The following NALCN variants were observed in gnomAD, a reference collection of about 807,000 sequenced individuals.
NALCN encodes sodium leak channel NALCN.
In NALCN, 111 loss-of-function variants were observed where a neutral mutation model predicts 225.3. That is an observed-to-expected ratio of 0.49 (90% CI 0.42 to 0.58). The LOEUF (loss-of-function observed/expected upper bound fraction) is 0.58, where lower values mean the gene tolerates loss of function less well. NALCN is among the 20% of genes least tolerant of loss of function. The pLI is 0.00. For synonymous variants in NALCN, 764 were observed against 769.0 expected (o/e 0.99, Z 0.11); for missense variants, 1,378 against 2,202.4 (o/e 0.63, Z 7.49).
At chr13:101,406,975 G>T (rs1000146573) in intron 1 of NALCN, among the ~76,000 whole-genome samples, 10 of 152,076 alleles carry the variant, frequency 6.6e-5, no homozygotes, top group African/African-American at 2.4e-4. Flanking sequence ...CTAAGAATAT[G>T]AAAACTAAAA....
chr13:101,293,410 A>G (rs2043621490), intron 7 of NALCN, among the ~76,000 whole-genome samples: 1 of 152,226 alleles, frequency 6.6e-6, no homozygotes, highest in Admixed American at 6.5e-5. Flanking sequence ...GTGAGAAAAC[A>G]CACACACATA....
intron 27 of NALCN, among the ~76,000 whole-genome samples, chr13:101,098,771 G>C (rs949095815): frequency 1.3e-5 from 2 of 152,040 alleles, no homozygotes; most frequent in Admixed American, 6.5e-5. Context: ...CACTCATGGC[G>C]TTTTTGGCCT....
chr13:101,237,302 C>A (rs2041597525), intron 12 of NALCN, among the ~76,000 whole-genome samples: 1 of 151,822 alleles, frequency 6.6e-6, no homozygotes, highest in African/African-American at 2.4e-5. Flanking sequence ...GTTTTATAAA[C>A]CTTTAATATT....
Position 101,395,256 on chromosome 13 carries a change from G to C in NALCN, c.218C>G (p.Thr73Ser), listed in dbSNP as rs76774740. 1.2e-6 allele frequency: 2 copies of C among 1,614,002 alleles called. No individual in the cohort carries two copies. The highest frequency in any genetic ancestry group is 1.7e-6 in the Non-Finnish European group (2 of 1,179,946). ...HYPPLQYVTF[T>S]LDTLLMFLYT... ...GAGAAACATCAATAATGTATCCAAAGTGAAGGTCACATACTGAAGTGGAGG... is the reference window on the plus strand; with the variant it reads ...GAGAAACATCAATAATGTATCCAAACTGAAGGTCACATACTGAAGTGGAGG... The change falls in exon 3 of 44, where the codon ACT becomes AGT. Residue 73 changes from threonine (T) to serine (S), a missense_variant. By Grantham distance (58) the Thr-to-Ser change is moderately conservative. Transcript: ENST00000251127.
chr13:101,160,033 C>T (rs1052820152), intron 15 of NALCN, among the ~76,000 whole-genome samples: 1 of 152,188 alleles, frequency 6.6e-6, no homozygotes, highest in African/African-American at 2.4e-5. Context: ...CGGCTCACTG[C>T]AACCTCTGCC....
intron 34 of NALCN, among the ~76,000 whole-genome samples, chr13:101,080,780 A>ATAT (rs2033601323): frequency 6.7e-6 from 1 of 149,284 alleles, no homozygotes; most frequent in Non-Finnish European, 1.5e-5. Context: ...TTATTTAATA[A>ATAT]TTATTAACAA....
chr13:101,076,346 T>A (rs1047100879), intron 34 of NALCN, among the ~76,000 whole-genome samples: 1 of 152,180 alleles, frequency 6.6e-6, no homozygotes, highest in African/African-American at 2.4e-5. Context: ...AGAAGTCAGA[T>A]TCTAGACACC....
intron 39 of NALCN, 129 bp from the exon 40 acceptor site, chr13:101,065,690 T>G: frequency 8.8e-7 from 1 of 1,136,426 alleles, no homozygotes; most frequent in East Asian, 2.5e-5. Context: ...TGAAGAAAGC[T>G]GGTCACCTCC....
chr13:101,269,349 T>C, intron 10 of NALCN, among the ~76,000 whole-genome samples: 1 of 152,130 alleles, frequency 6.6e-6, no homozygotes, highest in Non-Finnish European at 1.5e-5. Flanking sequence ...TGTACTCAAT[T>C]GGCCATGGAG....
At chr13:101,378,261 T>A (rs531595804) in intron 4 of NALCN, among the ~76,000 whole-genome samples, 1 of 152,222 alleles carries the variant, frequency 6.6e-6, no homozygotes, top group South Asian at 2.1e-4. Context: ...CAATAAAATG[T>A]TTGAGGTGAT....
intron 10 of NALCN, among the ~76,000 whole-genome samples, chr13:101,271,940 G>T (rs2042796610): frequency 6.6e-6 from 1 of 151,306 alleles, no homozygotes; most frequent in Admixed American, 6.6e-5. Context: ...TACGTGTGAA[G>T]TGTGTGTGCA....
rs1265742764 is a variant in NALCN, at chr13:101,082,871, C to A, written c.3703G>T (p.Asp1235Tyr). Residue 1235 changes from aspartate (D) to tyrosine (Y), a missense_variant, in exon 33 of 44, where the codon GAC becomes TAC. Coordinates refer to ENST00000251127, the MANE Select transcript of NALCN (RefSeq NM_052867.4). ...GTTGCCAAAGGTACGGTCACCGGGT[C>A]CTCGACGTCCCACTGCAACAGAAAC... The part of the protein sequence containing the change: ...VLLSVKWDVE[D>Y]PVTVPLATMS... 1 of 1,614,150 alleles carries A rather than the reference C, an allele frequency of 6.2e-7. No individual in the cohort carries two copies. Among genetic ancestry groups the A allele is most frequent in the Non-Finnish European group, 8.5e-7 (1 of 1,180,002 alleles).
intron 27 of NALCN, among the ~76,000 whole-genome samples, chr13:101,097,907 AG>A (rs1412663330): frequency 6.6e-6 from 1 of 152,186 alleles, no homozygotes; most frequent in African/African-American, 2.4e-5. Flanking sequence ...CGCATAAACA[AG>A]GTAATCTAAT....
chr13:101,345,771 T>TATATATATATATATATATATA (rs56015893), intron 6 of NALCN, among the ~76,000 whole-genome samples: 47 of 116,948 alleles, frequency 4.0e-4, no homozygotes, highest in East Asian at 7.5e-4. Flanking sequence ...TATATATATA[T>TATATATATATATATATATATA]TTAGAGAGGG....
At chr13:101,414,267 C>A (rs917203955) in intron 1 of NALCN, among the ~76,000 whole-genome samples, 4 of 152,168 alleles carry the variant, frequency 2.6e-5, no homozygotes, top group Admixed American at 6.5e-5. Context: ...CACTGTATAT[C>A]CACCTGCTTA....
intron 15 of NALCN, among the ~76,000 whole-genome samples, chr13:101,170,893 C>T (rs1007712050): frequency 1.3e-5 from 2 of 152,108 alleles, no homozygotes; most frequent in African/African-American, 4.8e-5. Flanking sequence ...AATTTTATAC[C>T]ACTTAAAAGA....
At chr13:101,181,256 G>C (rs770849372) in intron 14 of NALCN, 5 of 518,936 alleles carry the variant, frequency 9.6e-6, no homozygotes, top group South Asian at 7.0e-5. Flanking sequence ...TGGCTTCCAG[G>C]CAGAGGGTTT....
chr13:101,359,048 G>C (rs1242673983), intron 6 of NALCN, among the ~76,000 whole-genome samples: 1 of 152,008 alleles, frequency 6.6e-6, no homozygotes, highest in African/African-American at 2.4e-5. Flanking sequence ...GCAGGGGGAG[G>C]GAGAGCATTA....
At chr13:101,209,051 C>T (rs905304551) in intron 13 of NALCN, among the ~76,000 whole-genome samples, 4 of 152,150 alleles carry the variant, frequency 2.6e-5, no homozygotes, top group African/African-American at 9.7e-5. Flanking sequence ...TGGTTCTCAT[C>T]AATTTCTGGT....
Sources: allele counts gnomAD v4.1 joint callset (sites outside exome capture counted in the v4.1 genomes callset), GRCh38; gene constraint gnomAD v4.1.1; transcripts MANE v1.5; gene names NCBI Gene and HGNC (gene_info 2026-07-23, HGNC 2026-07-21).